Variants in PAK5 observed in about 807,000 individuals in gnomAD.
PAK5 encodes the protein serine/threonine-protein kinase PAK 5.
Under a neutral mutation model 65.9 loss-of-function variants are expected in PAK5, and 16 were observed. The observed-to-expected ratio is 0.24, with a 90% CI of 0.16 to 0.37. The LOEUF is 0.37. PAK5 is among the 10% of genes least tolerant of loss of function. PAK5 has a pLI of 1.00. For missense variants in PAK5, 785 were observed against 903.9 expected, an observed-to-expected ratio of 0.87 and a Z score of 1.69; for synonymous variants, 371 against 354.9, an observed-to-expected ratio of 1.05 and a Z score of -0.51.
At chr20:9,630,198 C>T (rs1441618275) in intron 3 of PAK5, among the ~76,000 whole-genome samples, 1 of 152,136 alleles carries the variant, frequency 6.6e-6, no homozygotes, top group Non-Finnish European at 1.5e-5. Context: ...TTCCGATGAT[C>T]TCTGGATGGC....
At chr20:9,654,044 G>C (rs2047235030) in intron 2 of PAK5, among the ~76,000 whole-genome samples, 1 of 151,052 alleles carries the variant, frequency 6.6e-6, no homozygotes, top group African/African-American at 2.4e-5. Flanking sequence ...CATGATCTTG[G>C]CTCACTGCAA....
At chr20:9,808,423 T>C (rs2049258796) in intron 1 of PAK5, among the ~76,000 whole-genome samples, 1 of 152,188 alleles carries the variant, frequency 6.6e-6, no homozygotes, top group Admixed American at 6.5e-5. Flanking sequence ...AAAATGTATG[T>C]TCACACACAA....
At chr20:9,568,730 G>T (rs1169235261) in intron 4 of PAK5, among the ~76,000 whole-genome samples, 1 of 152,196 alleles carries the variant, frequency 6.6e-6, no homozygotes, top group Non-Finnish European at 1.5e-5. Flanking sequence ...GCTTTGGGAG[G>T]CTAAAGCTGA....
At chr20:9,808,793 G>C (rs1287486745) in intron 1 of PAK5, among the ~76,000 whole-genome samples, 1 of 152,012 alleles carries the variant, frequency 6.6e-6, no homozygotes, top group Non-Finnish European at 1.5e-5. Flanking sequence ...TGATGAGAAG[G>C]CTCTAAAATT....
chr20:9,620,929 G>T (rs1401010660), intron 3 of PAK5, among the ~76,000 whole-genome samples: 1 of 139,294 alleles, frequency 7.2e-6, no homozygotes, highest in Non-Finnish European at 1.5e-5. Flanking sequence ...GTAACCAAAG[G>T]TATCCAGCAG....
At chr20:9,764,280 A>T (rs1387231949) in intron 1 of PAK5, among the ~76,000 whole-genome samples, 1 of 152,152 alleles carries the variant, frequency 6.6e-6, no homozygotes, top group Non-Finnish European at 1.5e-5. Flanking sequence ...TTTTCTTAAG[A>T]TTATGTTCAT....
At chr20:9,564,037 G>A (rs983639004) in intron 5 of PAK5, among the ~76,000 whole-genome samples, 13 of 152,164 alleles carry the variant, frequency 8.5e-5, no homozygotes, top group Admixed American at 5.9e-4. Flanking sequence ...TCAAGCAGCC[G>A]TAGATTGTTC....
At chr20:9,782,541 A>T (rs755520690) in intron 1 of PAK5, among the ~76,000 whole-genome samples, 1 of 152,198 alleles carries the variant, frequency 6.6e-6, no homozygotes, top group African/African-American at 2.4e-5. Flanking sequence ...TGTGGGTGGC[A>T]GGCAGTGTTT....
At chr20:9,740,227 C>T (rs1282693468) in intron 1 of PAK5, among the ~76,000 whole-genome samples, 4 of 152,150 alleles carry the variant, frequency 2.6e-5, no homozygotes, top group Admixed American at 2.6e-4. Context: ...GGTGCTCGCA[C>T]AACCGAAGGA....
intron 1 of PAK5, among the ~76,000 whole-genome samples, chr20:9,713,507 T>C (rs1206646561): frequency 6.6e-6 from 1 of 152,120 alleles, no homozygotes; most frequent in African/African-American, 2.4e-5. Flanking sequence ...GCAATCCCAC[T>C]GCTGAGTATA....
At chr20:9,564,896 T>G (rs1248295476) in intron 5 of PAK5, among the ~76,000 whole-genome samples, 1 of 151,830 alleles carries the variant, frequency 6.6e-6, no homozygotes, top group African/African-American at 2.4e-5. Flanking sequence ...TTTACATTAA[T>G]AAAAATAAGT....
chr20:9,727,185 A>T (rs1225512201), intron 1 of PAK5, among the ~76,000 whole-genome samples: 1 of 152,158 alleles, frequency 6.6e-6, no homozygotes, highest in Non-Finnish European at 1.5e-5. Flanking sequence ...GGAAAACATA[A>T]ATTATTTCTG....
Position 9,592,427 on chromosome 20 carries a change from C to T in PAK5, c.205-11497G>A, listed in dbSNP as rs960480545. Among the ~76,000 whole-genome samples, 3 of 152,120 alleles carry T rather than the reference C, an allele frequency of 2.0e-5. No individual in the cohort carries two copies. In the East Asian group the frequency reaches 5.8e-4, roughly 29 times the overall value. ...TAGTTACCCCTAGGGGAAAGGTGCT[C>T]ACTGGGATGGGGCCCAAGGGAACTT... On this transcript the variant is annotated intron_variant, in intron 3 of 9. Coordinates refer to ENST00000353224, the MANE Select transcript of PAK5 (RefSeq NM_177990.4).
intron 1 of PAK5, among the ~76,000 whole-genome samples, chr20:9,812,300 G>A (rs1486682100): frequency 1.3e-5 from 2 of 151,060 alleles, no homozygotes; most frequent in East Asian, 1.9e-4. Context: ...AAAAAAAAAC[G>A]ATGTTTAAAA....
intron 3 of PAK5, among the ~76,000 whole-genome samples, chr20:9,625,084 C>T (rs375046613): frequency 1.1e-4 from 16 of 152,214 alleles, no homozygotes; most frequent in African/African-American, 3.9e-4. Flanking sequence ...ACCACATCCA[C>T]CAGCCATCTC....
chr20:9,682,358 A>AAAACAAACAAAC (rs58803076), intron 2 of PAK5, among the ~76,000 whole-genome samples: 62 of 151,592 alleles, frequency 4.1e-4, no homozygotes, highest in African/African-American at 6.1e-4. Context: ...GTCTGTCTAG[A>AAAACAAACAAAC]AAACAAACAA....
At chr20:9,682,305 C>T (rs1325573228) in intron 2 of PAK5, among the ~76,000 whole-genome samples, 1 of 151,920 alleles carries the variant, frequency 6.6e-6, no homozygotes, top group Admixed American at 6.6e-5. Flanking sequence ...TGCAGTGAGC[C>T]AAGATCATGC....
In PAK5 at chr20:9,569,944, C is replaced by A. The variant is rs139389024; in HGVS notation, c.991-3560G>T. On this transcript the variant is annotated intron_variant, in intron 4 of 9. Coordinates refer to ENST00000353224, the MANE Select transcript of PAK5 (RefSeq NM_177990.4). ...GGTAGCTGCTAAGCTGCCCTCCTGC[C>A]CTGGTTGCAGAGAGAACACATGCTT... Among the ~76,000 whole-genome samples the A allele has an allele frequency of 3.4e-3, 512 of 149,270 alleles. 18 individuals are homozygous for A. Among genetic ancestry groups the A allele is most frequent in the African/African-American group, 0.012 (460 of 38,720 alleles).
intron 2 of PAK5, among the ~76,000 whole-genome samples, chr20:9,662,983 T>C (rs1328392140): frequency 6.6e-6 from 1 of 152,180 alleles, no homozygotes; most frequent in Non-Finnish European, 1.5e-5. Flanking sequence ...AATGCAAATA[T>C]AAAATGGCAA....
Sources: gnomAD v4.1 joint callset for allele counts (sites outside exome capture counted in the v4.1 genomes callset) on GRCh38, gnomAD v4.1.1 for gene constraint, MANE v1.5 for transcripts, NCBI Gene and HGNC (gene_info 2026-07-23, HGNC 2026-07-21) for gene names.